ARMC2: variants seen among roughly 807,000 people sequenced by gnomAD.
The protein encoded by ARMC2 is armadillo repeat-containing protein 2.
ARMC2 carries 67 observed loss-of-function variants against 90.3 expected under a neutral mutation model. The observed-to-expected ratio is 0.74, with a 90% CI of 0.61 to 0.91. The LOEUF (loss-of-function observed/expected upper bound fraction) is 0.91, where lower values mean the gene tolerates loss of function less well. Ranked by LOEUF, ARMC2 falls within the 40% of genes least tolerant of loss-of-function variation. The probability of loss-of-function intolerance (pLI) is 0.00; values close to 1 mark genes in which losing one functional copy is unlikely to be tolerated. For synonymous variants in ARMC2, 393 were observed against 393.0 expected (o/e 1.00, Z 0.00); for missense variants, 920 against 1,030.9 (o/e 0.89, Z 1.47).
At chr6:108,987,454 G>C in the ARMC2 span, 159 of 616,502 alleles carry the variant, frequency 2.6e-4, no homozygotes, top group Non-Finnish European at 3.4e-4. Context: ...GAATTATTTT[G>C]TCTACCATTG....
At chr6:108,965,770 A>G (rs1433017118) in intron 17 of ARMC2, among the ~76,000 whole-genome samples, 2 of 152,048 alleles carry the variant, frequency 1.3e-5, no homozygotes, top group Non-Finnish European at 2.9e-5. Flanking sequence ...TCTGTCTCTC[A>G]AGTAGCTGGG....
chr6:108,888,263 T>C (rs541679425), intron 5 of ARMC2, among the ~76,000 whole-genome samples: 2 of 152,310 alleles, frequency 1.3e-5, no homozygotes, highest in East Asian at 3.9e-4. Context: ...AGTAAACATG[T>C]ATTAGTTACC....
the ARMC2 span, among the ~76,000 whole-genome samples, chr6:108,987,944 AG>A: frequency 1.3e-5 from 2 of 151,906 alleles, no homozygotes; most frequent in Non-Finnish European, 2.9e-5. Flanking sequence ...CTGGGAATAC[AG>A]GTGCATGCCA....
chr6:108,876,563 C>A (rs994723908), intron 5 of ARMC2, among the ~76,000 whole-genome samples: 1 of 152,154 alleles, frequency 6.6e-6, no homozygotes, highest in Non-Finnish European at 1.5e-5. Flanking sequence ...CACTTTTATT[C>A]ATGACTGTCA....
chr6:108,867,883 G>A lies in ARMC2; in HGVS notation c.292-941G>A, dbSNP rs1032523630. On this transcript the variant is annotated intron_variant, in intron 3 of 17. Coordinates refer to ENST00000392644, the MANE Select transcript of ARMC2 (RefSeq NM_032131.6). Reference sequence around the variant, plus strand: ...CGGAAGGCGGAGGTTGCAGTGAGCCGAGATCGCACCATTGCACTCCAGCCT... The same window carrying A: ...CGGAAGGCGGAGGTTGCAGTGAGCCAAGATCGCACCATTGCACTCCAGCCT... Among the ~76,000 whole-genome samples, 36 of 150,874 alleles carry A rather than the reference G, an allele frequency of 2.4e-4. 2 individuals are homozygous for A. The highest frequency in any genetic ancestry group is 1.8e-3 in the Admixed American group (27 of 15,178).
At chr6:109,011,441 T>A in the ARMC2 span, among the ~76,000 whole-genome samples, 5 of 152,122 alleles carry the variant, frequency 3.3e-5, no homozygotes, top group Non-Finnish European at 5.9e-5. Context: ...CTTCAAGCCA[T>A]TAAATGTCAA....
chr6:108,987,280 C>G, the ARMC2 span: 1 of 346,000 alleles, frequency 2.9e-6, no homozygotes, highest in East Asian at 4.5e-5. Flanking sequence ...TGTATTAAAA[C>G]AGTTACACAG....
chr6:109,030,378 G>A, the ARMC2 span, among the ~76,000 whole-genome samples: 1 of 152,244 alleles, frequency 6.6e-6, no homozygotes, highest in Non-Finnish European at 1.5e-5. Flanking sequence ...ATGTAAAGGT[G>A]TAGATTGCTA....
chr6:108,870,301 T>G (rs149170673), intron 4 of ARMC2, among the ~76,000 whole-genome samples: 3 of 152,208 alleles, frequency 2.0e-5, no homozygotes, highest in Admixed American at 6.5e-5. Context: ...TGACTTCTTG[T>G]GAAAAATCAG....
chr6:108,923,383 A>AGTGG (rs144300091), intron 10 of ARMC2, among the ~76,000 whole-genome samples: 3,065 of 152,092 alleles, frequency 0.02, 49 homozygotes, highest in East Asian at 0.088. Flanking sequence ...GGGAGGGCCC[A>AGTGG]GTGGGTGGGC....
At chr6:108,994,851 T>C in the ARMC2 span, among the ~76,000 whole-genome samples, 4 of 151,944 alleles carry the variant, frequency 2.6e-5, no homozygotes, top group Admixed American at 1.3e-4. Flanking sequence ...TACAGGTGCC[T>C]GCCACCATGC....
the ARMC2 span, chr6:109,009,654 T>TC: frequency 1.4e-6 from 1 of 726,596 alleles, no homozygotes; most frequent in Admixed American, 5.7e-5. Flanking sequence ...CGGGCTCGCG[T>TC]CCCCGCAAAG....
intron 12 of ARMC2, among the ~76,000 whole-genome samples, chr6:108,949,727 C>T (rs939594246): frequency 6.6e-6 from 1 of 152,168 alleles, no homozygotes; most frequent in Non-Finnish European, 1.5e-5. Context: ...CTTGAAGTAA[C>T]CCTCTGTTTT....
the ARMC2 span, among the ~76,000 whole-genome samples, chr6:108,984,096 G>C: frequency 6.6e-6 from 1 of 152,100 alleles, no homozygotes; most frequent in African/African-American, 2.4e-5. Context: ...TGCACTCCTT[G>C]TAAGAATCTA....
chr6:108,964,049 A>G (rs913558283), intron 15 of ARMC2, 131 bp from the exon 16 acceptor site: 3 of 957,714 alleles, frequency 3.1e-6, no homozygotes, highest in Admixed American at 5.8e-5. Context: ...CTTAGGAAGA[A>G]TGAGTTAAGT....
At chr6:108,981,213 A>G in the ARMC2 span, among the ~76,000 whole-genome samples, 2 of 152,296 alleles carry the variant, frequency 1.3e-5, no homozygotes, top group African/African-American at 2.4e-5. Context: ...TGACTAATAT[A>G]TAGTAACTCA....
In ARMC2 at chr6:108,960,050, A is replaced by G. The variant is rs775113453; in HGVS notation, c.1916-1522A>G. Among the ~76,000 whole-genome samples, 15 of 151,898 alleles carry G rather than the reference A, an allele frequency of 9.9e-5. No homozygotes were observed. In the Middle Eastern group the frequency reaches 0.014, roughly 139 times the overall value. The stretch of plus-strand genomic sequence containing the variant: ...TTGCCCAGGCCGGTCTGATTGCCCA[A>G]CTCTTAGATCCAACTGTCTACCCCT... On this transcript the variant is annotated intron_variant, in intron 13 of 17. Transcript: ENST00000392644.
chr6:108,871,787 T>C (rs1776441816), intron 4 of ARMC2, among the ~76,000 whole-genome samples: 1 of 152,130 alleles, frequency 6.6e-6, no homozygotes, highest in South Asian at 2.1e-4. Context: ...TCTGCAGCTG[T>C]GATTTCCCAG....
chr6:108,874,565 T>C (rs968159088), intron 4 of ARMC2, among the ~76,000 whole-genome samples: 1 of 152,214 alleles, frequency 6.6e-6, no homozygotes, highest in Non-Finnish European at 1.5e-5. Context: ...CCAATAATCA[T>C]GACAATAACT....
Sources: gnomAD v4.1 joint callset for allele counts (sites outside exome capture counted in the v4.1 genomes callset) on GRCh38, gnomAD v4.1.1 for gene constraint, MANE v1.5 for transcripts, NCBI Gene and HGNC (gene_info 2026-07-23, HGNC 2026-07-21) for gene names.